Variants in LRIF1 observed in about 807,000 individuals in gnomAD.
LRIF1 encodes ligand-dependent nuclear receptor-interacting factor 1.
A neutral mutation model predicts 52.7 loss-of-function variants in LRIF1; 32 were observed. The observed-to-expected ratio is 0.61, with a 90% CI of 0.46 to 0.82. The LOEUF (loss-of-function observed/expected upper bound fraction) is 0.82, where lower values mean the gene tolerates loss of function less well. Among genes scored for constraint, LRIF1 ranks in the 40% least tolerant of loss-of-function variants. The pLI, the probability that LRIF1 is intolerant of heterozygous loss-of-function variation, is 0.00. For missense variants in LRIF1, 887 were observed against 892.0 expected (o/e 0.99, Z 0.07); for synonymous variants, 323 against 317.4 (o/e 1.02, Z -0.19).
chr1:110,891,278 A>G, the LRIF1 span: 2 of 732,100 alleles, frequency 2.7e-6, no homozygotes, highest in East Asian at 2.6e-5. Context: ...TTTCCAGAGG[A>G]GAGCCACAGC....
rs747523557 is a variant in LRIF1, at chr1:110,952,697, CTGAAGAT to C, written c.180_186del (p.Ser62CysfsTer5). The C allele has an allele frequency of 6.2e-7, 1 of 1,614,012 alleles. No individual in the cohort carries two copies. ...TTCCCTTTCAAAGCATCAGACATGA[CTGAAGAT>C]TGAACTAGTGGTATAAGATTTCCAG... On this transcript the variant is annotated frameshift_variant, in exon 2 of 4. Coordinates refer to ENST00000369763, the MANE Select transcript of LRIF1 (RefSeq NM_018372.4). LOFTEE classifies it high-confidence loss of function.
At chr1:110,962,266 C>A (rs1263423314) in intron 1 of LRIF1, among the ~76,000 whole-genome samples, 1 of 151,942 alleles carries the variant, frequency 6.6e-6, no homozygotes, top group Non-Finnish European at 1.5e-5. Flanking sequence ...ACAGGGCACT[C>A]TCTGCCCCTT....
intron 1 of LRIF1, 119 bp downstream of exon 1, chr1:110,963,502 G>T (rs954443645): frequency 4.1e-6 from 3 of 740,056 alleles, no homozygotes; most frequent in Admixed American, 2.7e-5. Context: ...CGCCTGGGTG[G>T]CGCACTCTGC....
At chr1:110,955,982 G>C (rs1216768337) in intron 1 of LRIF1, among the ~76,000 whole-genome samples, 1 of 152,154 alleles carries the variant, frequency 6.6e-6, no homozygotes, top group African/African-American at 2.4e-5. Flanking sequence ...TCCTTCCATT[G>C]CAACACTGGA....
At chr1:110,935,179 C>T in the LRIF1 span, among the ~76,000 whole-genome samples, 1 of 152,210 alleles carries the variant, frequency 6.6e-6, no homozygotes, top group Non-Finnish European at 1.5e-5. Flanking sequence ...CACTTAAGTC[C>T]TTTAGAATAT....
chr1:110,949,994 G>C lies in LRIF1; in HGVS notation c.1726C>G (p.Leu576Val), dbSNP rs968268139. 6.2e-7 allele frequency: 1 copy of C among 1,613,966 alleles called. No individual in the cohort carries two copies. The highest frequency in any genetic ancestry group is 8.5e-7 in the Non-Finnish European group (1 of 1,180,020). The change falls in exon 3 of 4, where the codon CTT (leucine) becomes GTT (valine). Residue 576 changes from leucine to valine, a missense_variant. By Grantham distance (32) the Leu-to-Val change is conservative. Transcript: ENST00000369763. ...SDAEFKKIFG[L>V]TKDLRVCLTR... ...AGGCACACTCTCAAATCCTTAGTAA[G>C]GCCAAATATCTTTTTAAATTCAGCA...
chr1:110,891,352 C>T, the LRIF1 span: 2 of 1,343,522 alleles, frequency 1.5e-6, no homozygotes, highest in Non-Finnish European at 2.1e-6. Context: ...GGCTACCTTA[C>T]AGAGTGAGGT....
chr1:110,956,153 T>C lies in LRIF1; in HGVS notation c.69-3338A>G, dbSNP rs74120608. Among the ~76,000 whole-genome samples, 767 of 152,296 alleles carry C rather than the reference T, an allele frequency of 5.0e-3. 7 individuals carry two copies. Among genetic ancestry groups the C allele is most frequent in the African/African-American group, 0.018 (732 of 41,556 alleles). On this transcript the variant is annotated intron_variant, in intron 1 of 3. Transcript: ENST00000369763. ...GGAAAGATTTGAGGATAATCAAAGA[T>C]TGGAACAGTCTTCGTGAAGGAGTAA...
intron 1 of LRIF1, among the ~76,000 whole-genome samples, chr1:110,955,908 C>A (rs982216832): frequency 1.3e-5 from 2 of 152,030 alleles, no homozygotes; most frequent in African/African-American, 4.8e-5. Flanking sequence ...GAGAAGGAGG[C>A]AGGAAATGGA....
At chr1:110,915,817 A>G in the LRIF1 span, among the ~76,000 whole-genome samples, 1 of 152,326 alleles carries the variant, frequency 6.6e-6, no homozygotes, top group South Asian at 2.1e-4. Flanking sequence ...CAAGGGTAAA[A>G]AATTTAAAAA....
chr1:110,903,798 A>G, the LRIF1 span, among the ~76,000 whole-genome samples: 1 of 152,308 alleles, frequency 6.6e-6, no homozygotes, highest in East Asian at 1.9e-4. Context: ...GCATGGGCAC[A>G]GGGGAATAGA....
downstream of LRIF1, chr1:110,947,150 C>T (rs1658231548): frequency 2.0e-5 from 3 of 152,108 alleles, no homozygotes; most frequent in Admixed American, 6.6e-5. Flanking sequence ...TACACCATTC[C>T]CAAACTTTCC....
At chr1:110,924,720 A>G in the LRIF1 span, among the ~76,000 whole-genome samples, 1 of 152,252 alleles carries the variant, frequency 6.6e-6, no homozygotes, top group Non-Finnish European at 1.5e-5. Flanking sequence ...GCCTAACCAT[A>G]TCAGCTTAAT....
the LRIF1 span, among the ~76,000 whole-genome samples, chr1:110,892,156 C>G: frequency 0.015 from 2,337 of 152,274 alleles, 22 homozygotes; most frequent in Middle Eastern, 0.044. Flanking sequence ...GTGAGTAGGT[C>G]TCCACATGAG....
At chr1:110,912,626 G>A in the LRIF1 span, among the ~76,000 whole-genome samples, 1 of 152,134 alleles carries the variant, frequency 6.6e-6, no homozygotes, top group African/African-American at 2.4e-5. Flanking sequence ...TAACCACGGA[G>A]GTGAAAGATT....
intron 1 of LRIF1, 47 bp from the exon 2 acceptor site, chr1:110,952,862 T>C: frequency 1.0e-6 from 1 of 959,672 alleles, no homozygotes; most frequent in Non-Finnish European, 1.4e-6. Flanking sequence ...ACATGGTATA[T>C]ACATTTTATT....
At chr1:110,959,803 GT>G (rs1658872779) in intron 1 of LRIF1, among the ~76,000 whole-genome samples, 1 of 148,780 alleles carries the variant, frequency 6.7e-6, no homozygotes, top group Non-Finnish European at 1.5e-5. Flanking sequence ...TATTGGTAAT[GT>G]TATATAACTT....
chr1:110,894,008 C>T, the LRIF1 span, among the ~76,000 whole-genome samples: 945 of 152,262 alleles, frequency 6.2e-3, 12 homozygotes, highest in African/African-American at 0.021. Context: ...CAACCTTTTG[C>T]TTAACTGCTT....
At chr1:110,895,544 C>G in the LRIF1 span, among the ~76,000 whole-genome samples, 1 of 152,038 alleles carries the variant, frequency 6.6e-6, no homozygotes, top group African/African-American at 2.4e-5. Context: ...AAAGATGGAG[C>G]CTTGCACCAG....
Sources: gnomAD v4.1 joint callset for allele counts (sites outside exome capture counted in the v4.1 genomes callset) on GRCh38, gnomAD v4.1.1 for gene constraint, MANE v1.5 for transcripts, NCBI Gene and HGNC (gene_info 2026-07-23, HGNC 2026-07-21) for gene names.